ZCWPW1: variants seen among roughly 807,000 people sequenced by gnomAD.
The protein encoded by ZCWPW1 is zinc finger CW-type PWWP domain protein 1.
In ZCWPW1, 56 loss-of-function variants were observed where a neutral mutation model predicts 81.3. The observed-to-expected ratio is 0.69, with a 90% CI of 0.56 to 0.86. The LOEUF (loss-of-function observed/expected upper bound fraction) is 0.86, where lower values mean the gene tolerates loss of function less well. Among genes scored for constraint, ZCWPW1 ranks in the 40% least tolerant of loss-of-function variants. The pLI is 0.00. For synonymous variants in ZCWPW1, 250 were observed against 273.7 expected, an observed-to-expected ratio of 0.91 and a Z score of 0.86; for missense variants, 650 against 769.8, an observed-to-expected ratio of 0.84 and a Z score of 1.84.
chr7:100,409,198 T>C (rs868348132), intron 9 of ZCWPW1, among the ~76,000 whole-genome samples: 2 of 152,132 alleles, frequency 1.3e-5, no homozygotes, highest in Non-Finnish European at 2.9e-5. Context: ...TGCTCATGTA[T>C]TTAGATTCCA....
Position 100,417,186 on chromosome 7 carries a change from C to T in ZCWPW1, c.362-3G>A. ...AAAATCAAGGCCAGATCCCATCCCT[C>T]CCAAAACAAAATACTATAAGCAGAG... On this transcript the variant is annotated splice_polypyrimidine_tract_variant and splice_region_variant and intron_variant, in intron 5 of 17. Transcript: ENST00000684423. 6.2e-7 allele frequency: 1 copy of T among 1,612,390 alleles called. No homozygotes were observed. Among genetic ancestry groups the T allele is most frequent in the Non-Finnish European group, 8.5e-7 (1 of 1,179,176 alleles).
At position 100,409,491 on chromosome 7, in the gene ZCWPW1, G is replaced by A. The variant is rs553707769; in HGVS notation, c.808C>T (p.Arg270Trp). The A allele has an allele frequency of 8.7e-6, 14 of 1,614,024 alleles. No individual in the cohort carries two copies. In the African/African-American group the frequency reaches 9.3e-5, roughly 11 times the overall value. ...CSFPNCGKWRRLCGNIDPSVL... is the reference protein window; with the variant it reads ...CSFPNCGKWRWLCGNIDPSVL... ...GAGGGGTCAATGTTCCCACACAGCC[G>A]CCTCCATTTCCCACAGTTTGGGAAG... is the stretch of plus-strand genomic sequence containing the variant. Residue 270 changes from arginine to tryptophan, a missense_variant, in exon 9 of 18, where the codon CGG becomes TGG. Transcript: ENST00000684423.
intron 8 of ZCWPW1, among the ~76,000 whole-genome samples, chr7:100,414,437 A>T (rs1563139516): frequency 6.6e-6 from 1 of 152,098 alleles, no homozygotes; most frequent in Non-Finnish European, 1.5e-5. Context: ...TTTTTTAGAG[A>T]CAGGGTCTTG....
At chr7:100,413,320 T>G (rs1283407106) in intron 8 of ZCWPW1, among the ~76,000 whole-genome samples, 1 of 152,238 alleles carries the variant, frequency 6.6e-6, no homozygotes, top group Admixed American at 6.5e-5. Context: ...TGCCTCCCCT[T>G]GCTCTCTGAG....
At chr7:100,425,303 G>A (rs754362141) in intron 1 of ZCWPW1, among the ~76,000 whole-genome samples, 167 bp from the exon 2 acceptor site, 4 of 152,092 alleles carry the variant, frequency 2.6e-5, no homozygotes, top group Non-Finnish European at 5.9e-5. Flanking sequence ...GGCAGGGTGT[G>A]GGGTTGCGGG....
Position 100,406,937 on chromosome 7 carries a change from T to C in ZCWPW1, c.1069-139A>G, listed in dbSNP as rs76071385. The C allele has an allele frequency of 3.2e-3, 2,386 of 751,526 alleles. 53 individuals are homozygous for C. The African/African-American group carries it at 0.039, about 12-fold the overall frequency. The allele number at this position is 751,526 out of a possible 1,614,324, so 46.6% of individuals were successfully genotyped here. A position where few individuals can be genotyped will look rare whatever the true frequency, so the allele number is the denominator to read the frequency against. ...CATACTCCTTTCAAAGCCTGACTCA[T>C]CTACCCTACCCTCGTTGCAATTGTT... On this transcript the variant is annotated intron_variant, in intron 11 of 17. Transcript: ENST00000684423.
In ZCWPW1 at chr7:100,403,792, C is replaced by G; in HGVS notation, c.1322-7G>C. The G allele has an allele frequency of 6.2e-7, 1 of 1,613,070 alleles. No individual in the cohort carries two copies. Among genetic ancestry groups the G allele is most frequent in the Non-Finnish European group, 8.5e-7 (1 of 1,179,346 alleles). On this transcript the variant is annotated splice_polypyrimidine_tract_variant and splice_region_variant and intron_variant, in intron 14 of 17. Transcript: ENST00000684423. ...AAACCAGAGAGCTGTAAGTCTAGAA[C>G]AGGAAAAGGAAGGAAAGGCTAAATC...
intron 8 of ZCWPW1, among the ~76,000 whole-genome samples, chr7:100,413,314 TC>T (rs1448434106): frequency 6.6e-6 from 1 of 152,214 alleles, no homozygotes; most frequent in Non-Finnish European, 1.5e-5. Context: ...CCAACTTGCC[TC>T]CCCTTGCTCT....
At chr7:100,413,793 A>G (rs1323285017) in intron 8 of ZCWPW1, among the ~76,000 whole-genome samples, 1 of 151,960 alleles carries the variant, frequency 6.6e-6, no homozygotes, top group Non-Finnish European at 1.5e-5. Context: ...GGGTCTCACT[A>G]TGTTACCCAG....
At chr7:100,415,941 GGCCAAGTAGGTTT>G (rs1795134860) in intron 8 of ZCWPW1, 21 bp downstream of exon 8, 1 of 1,613,202 alleles carries the variant, frequency 6.2e-7, no homozygotes, top group Admixed American at 1.7e-5. Context: ...CAAATTTTCA[GGCCAAGTAGGTTT>G]GCCAAACCAG....
chr7:100,404,949 G>T, intron 13 of ZCWPW1, 64 bp downstream of exon 13: 2 of 1,533,512 alleles, frequency 1.3e-6, no homozygotes, highest in Non-Finnish European at 1.8e-6. Flanking sequence ...TGTCTGGACT[G>T]AGAAAGAATC....
rs987576646 is a variant in ZCWPW1, at chr7:100,417,855, AGGTTTTTGGTTTTTT to A, written c.362-687_362-673del. Among the ~76,000 whole-genome samples, 59 of 151,942 alleles carry A rather than the reference AGGTTTTTGGTTTTTT, an allele frequency of 3.9e-4. 2 individuals carry two copies. In the East Asian group the frequency reaches 9.5e-3, roughly 24 times the overall value. On this transcript the variant is annotated intron_variant, in intron 5 of 17. Transcript: ENST00000684423. ...TGAACTTATGGAAAAGCCTTCATAG[AGGTTTTTGGTTTTTT>A]GGTTTTTGGTTTTTGTTTTTTGGTT...
In ZCWPW1 at chr7:100,402,038, A is replaced by G. The variant is rs767150996; in HGVS notation, c.1478T>C (p.Leu493Pro). 1.3e-5 allele frequency: 21 copies of G among 1,607,698 alleles called. No homozygotes were observed. The highest frequency in any genetic ancestry group is 1.8e-5 in the Non-Finnish European group (21 of 1,176,900). The stretch of plus-strand genomic sequence containing the variant: ...ATCTGCTGTGCCTGCATCACCCCCA[A>G]GCCCTAGCCGTGAGGGAAATGCGTT... The part of the protein sequence containing the change: ...IQTQKTKPRG[L>P]GGDAGTADGR... Residue 493 changes from leucine (L) to proline (P), a missense_variant, in exon 17 of 18, where the codon CTT becomes CCT. By Grantham distance (98) the Leu-to-Pro change is moderately conservative. Coordinates refer to ENST00000684423, the MANE Select transcript of ZCWPW1 (RefSeq NM_001386010.1).
intron 17 of ZCWPW1, 78 bp from the exon 18 acceptor site, chr7:100,401,414 C>T: frequency 7.9e-7 from 1 of 1,263,420 alleles, no homozygotes; most frequent in Non-Finnish European, 1.1e-6. Flanking sequence ...ACTCCTAAAT[C>T]TCTATTTCCA....
chr7:100,412,736 C>T (rs1794444814), intron 8 of ZCWPW1, among the ~76,000 whole-genome samples: 1 of 152,080 alleles, frequency 6.6e-6, no homozygotes, highest in Admixed American at 6.5e-5. Flanking sequence ...CGCCCGCTAC[C>T]ACACCCGGCT....
intron 6 of ZCWPW1, 145 bp from the exon 7 acceptor site, chr7:100,416,601 A>G (rs1474252082): frequency 1.9e-5 from 15 of 789,418 alleles, no homozygotes; most frequent in Non-Finnish European, 2.0e-6. Context: ...CTACTTGCCT[A>G]TTTTTCCCAA....
chr7:100,412,592 T>A (rs1794403481), intron 8 of ZCWPW1, among the ~76,000 whole-genome samples: 1 of 151,550 alleles, frequency 6.6e-6, no homozygotes, highest in African/African-American at 2.4e-5. Context: ...TTTTTATTTA[T>A]TTTTTTTGAG....
intron 8 of ZCWPW1, among the ~76,000 whole-genome samples, chr7:100,412,149 A>T (rs920953412): frequency 6.6e-6 from 1 of 152,092 alleles, no homozygotes; most frequent in Non-Finnish European, 1.5e-5. Context: ...AAGCCCAATC[A>T]TGGGCCTTCT....
rs746956982 is a variant in ZCWPW1 at position 100,401,153 on chromosome 7, G to A, written c.1811C>T (p.Pro604Leu). The change falls in exon 18 of 18, where the codon CCC becomes CTC. Residue 604 changes from proline to leucine, a missense_variant. Physicochemically the swap from Pro to Leu is moderately conservative, Grantham distance 98. Coordinates refer to ENST00000684423, the MANE Select transcript of ZCWPW1 (RefSeq NM_001386010.1). ...GTCACTGGAGGCTTCGTCCTCAAGG[G>A]GGACACTTCCAGCCTCCTGGGTCAG... ...EPLTQEAGSV[P>L]LEDEASSDLD... The A allele has an allele frequency of 6.8e-6, 11 of 1,614,224 alleles. No homozygotes were observed. Among genetic ancestry groups the A allele is most frequent in the South Asian group, 6.6e-5 (6 of 91,078 alleles).
Sources: gnomAD v4.1 joint callset for allele counts (sites outside exome capture counted in the v4.1 genomes callset) on GRCh38, gnomAD v4.1.1 for gene constraint, MANE v1.5 for transcripts, NCBI Gene and HGNC (gene_info 2026-07-23, HGNC 2026-07-21) for gene names.